Variants in EWSR1 observed in about 807,000 individuals in gnomAD.
EWSR1 encodes RNA-binding protein EWS.
A neutral mutation model predicts 92.1 loss-of-function variants in EWSR1; 14 were observed. The observed-to-expected ratio is 0.15, with a 90% CI of 0.10 to 0.24. The LOEUF is 0.24. EWSR1 is among the 10% of genes least tolerant of loss of function. The pLI, the probability that EWSR1 is intolerant of heterozygous loss-of-function variation, is 1.00. For missense variants in EWSR1, 637 were observed against 870.9 expected, an observed-to-expected ratio of 0.73 and a Z score of 3.38; for synonymous variants, 303 against 292.9, an observed-to-expected ratio of 1.03 and a Z score of -0.35.
At chr22:29,294,577 C>T (rs1022499937) in intron 11 of EWSR1, among the ~76,000 whole-genome samples, 5 of 148,846 alleles carry the variant, frequency 3.4e-5, no homozygotes, top group African/African-American at 1.2e-4. Flanking sequence ...TGCATTCCAG[C>T]CTGGGTGACT....
At chr22:29,299,923 C>T (rs1366202416) in intron 16 of EWSR1, 72 bp downstream of exon 16, 24 of 1,534,256 alleles carry the variant, frequency 1.6e-5, no homozygotes, top group Non-Finnish European at 1.8e-5. Flanking sequence ...GCTTGGTTGG[C>T]GCAAGTCCTC....
At chr22:29,288,998 G>T in intron 8 of EWSR1, 1 of 494,900 alleles carries the variant, frequency 2.0e-6, no homozygotes, top group South Asian at 3.7e-5. Context: ...ATACTTCGTT[G>T]GGTCGGGGAG....
At position 29,273,760 on chromosome 22, in the gene EWSR1, A is replaced by G. The variant is rs752450196; in HGVS notation, c.122A>G (p.Tyr41Cys). Residue 41 changes from tyrosine (Y) to cysteine (C), a missense_variant, in exon 4 of 17, where the codon TAT becomes TGT. Tyr to Cys is a radical substitution (Grantham distance 194). Around this residue, in one of 5 missense-constraint regions of EWSR1, gnomAD observed 144 missense variants for 189.0 expected, o/e 0.76. Coordinates refer to ENST00000397938, the MANE Select transcript of EWSR1 (RefSeq NM_005243.4). ...QTTQAYGQQS[Y>C]GTYGQPTDVS... The stretch of plus-strand genomic sequence containing the variant: ...GAGCAGGCATATGGGCAACAAAGCT[A>G]TGGAACCTATGGACAGCCCACTGAT... 6.2e-6 allele frequency: 10 copies of G among 1,613,560 alleles called. No homozygotes were observed. The highest frequency in any genetic ancestry group is 8.5e-6 in the Non-Finnish European group (10 of 1,179,894).
At chr22:29,300,084 C>T (rs750670949) in intron 16 of EWSR1, 38 bp from the exon 17 acceptor site, 1 of 1,591,148 alleles carries the variant, frequency 6.3e-7, no homozygotes, top group South Asian at 1.1e-5. Flanking sequence ...TTCCTCACCC[C>T]TTCCCATTCT....
At chr22:29,285,267 G>A (rs1464627963) in intron 6 of EWSR1, among the ~76,000 whole-genome samples, 1 of 150,220 alleles carries the variant, frequency 6.7e-6, no homozygotes, top group Non-Finnish European at 1.5e-5. Flanking sequence ...GGGACTATAG[G>A]CGTGTGCCAC....
chr22:29,282,163 A>G (rs2059659444), intron 5 of EWSR1, among the ~76,000 whole-genome samples: 1 of 152,016 alleles, frequency 6.6e-6, no homozygotes, highest in East Asian at 1.9e-4. Context: ...GATATGATTG[A>G]TTCTCCCCCT....
At chr22:29,285,122 G>GGT (rs2059923788) in intron 6 of EWSR1, among the ~76,000 whole-genome samples, 1 of 111,608 alleles carries the variant, frequency 9.0e-6, no homozygotes, top group Non-Finnish European at 1.7e-5. Flanking sequence ...TCTGGCCCTT[G>GGT]TTTTTTTTTT....
At chr22:29,279,925 C>T (rs1368882178) in intron 5 of EWSR1, among the ~76,000 whole-genome samples, 2 of 152,138 alleles carry the variant, frequency 1.3e-5, no homozygotes, top group Non-Finnish European at 2.9e-5. Flanking sequence ...TTTGATAAGT[C>T]ATCCTTTTTT....
intron 8 of EWSR1, chr22:29,289,881 T>G (rs2060318754): frequency 4.3e-6 from 1 of 231,098 alleles, no homozygotes; most frequent in Non-Finnish European, 8.6e-6. Context: ...AGGCAAAAAT[T>G]TAATGATTCG....
chr22:29,296,720 C>T (rs936619518), intron 12 of EWSR1, among the ~76,000 whole-genome samples: 2 of 152,150 alleles, frequency 1.3e-5, no homozygotes, highest in African/African-American at 2.4e-5. Flanking sequence ...GGTGGGATTT[C>T]ACTTCAGACA....
chr22:29,293,841 T>G (rs990423103), intron 11 of EWSR1, among the ~76,000 whole-genome samples: 2 of 152,020 alleles, frequency 1.3e-5, no homozygotes, highest in African/African-American at 4.8e-5. Flanking sequence ...GTTTTGTGAT[T>G]GCAGACATGA....
At chr22:29,289,581 T>C (rs922643370) in intron 8 of EWSR1, 5 of 232,236 alleles carry the variant, frequency 2.2e-5, no homozygotes, top group African/African-American at 8.8e-5. Context: ...GTTAACATAA[T>C]CCAGAAGGCT....
chr22:29,280,894 T>G (rs1481303123), intron 5 of EWSR1, among the ~76,000 whole-genome samples: 5 of 88,164 alleles, frequency 5.7e-5, no homozygotes, highest in African/African-American at 2.5e-4. Flanking sequence ...TTTTTTTTTT[T>G]TTTTTGACAG....
chr22:29,299,436 AGTT>A (rs2061159655), intron 15 of EWSR1, 105 bp downstream of exon 15: 1 of 1,509,048 alleles, frequency 6.6e-7, no homozygotes, highest in Non-Finnish European at 8.9e-7. Context: ...AACAACTTTG[AGTT>A]GTCGTGTCCT....
At chr22:29,287,549 G>A (rs2060139528) in intron 7 of EWSR1, among the ~76,000 whole-genome samples, 1 of 152,052 alleles carries the variant, frequency 6.6e-6, no homozygotes, top group Admixed American at 6.6e-5. Context: ...CTTTGCCATT[G>A]TTTGCTTTTG....
At position 29,300,111 on chromosome 22, in the gene EWSR1, T is replaced by C; in HGVS notation, c.1932-11T>C. The stretch of plus-strand genomic sequence containing the variant: ...TCCCATTCTAACCGAAGGGCCCTCT[T>C]TACCTTGCAGAGGCGAGCACCGTCA... On this transcript the variant is annotated splice_polypyrimidine_tract_variant and intron_variant, in intron 16 of 16. Coordinates refer to ENST00000397938, the MANE Select transcript of EWSR1 (RefSeq NM_005243.4). 6.2e-7 allele frequency: 1 copy of C among 1,600,422 alleles called. No individual in the cohort carries two copies. The highest frequency in any genetic ancestry group is 8.5e-7 in the Non-Finnish European group (1 of 1,177,228).
chr22:29,295,247 G>A (rs2060765013), intron 11 of EWSR1, among the ~76,000 whole-genome samples: 1 of 152,110 alleles, frequency 6.6e-6, no homozygotes, highest in South Asian at 2.1e-4. Context: ...ATAACATGTA[G>A]TTTATTGAGG....
intron 1 of EWSR1, 79 bp from the exon 2 acceptor site, chr22:29,272,137 C>T (rs1341784629): frequency 1.0e-5 from 13 of 1,301,512 alleles, no homozygotes; most frequent in African/African-American, 2.9e-5. Context: ...CTTCCTGCCA[C>T]GTGAATTCTT....
intron 16 of EWSR1, 103 bp from the exon 17 acceptor site, chr22:29,300,019 C>A: frequency 5.5e-6 from 3 of 540,604 alleles, no homozygotes; most frequent in South Asian, 3.8e-5. Context: ...CACCCCTTCC[C>A]ATTCTAACCG....
Sources: gnomAD v4.1 joint callset for allele counts (sites outside exome capture counted in the v4.1 genomes callset) on GRCh38, gnomAD v4.1.1 for gene constraint, gnomAD v4.1.1 regional missense constraint, MANE v1.5 for transcripts, NCBI Gene and HGNC (gene_info 2026-07-23, HGNC 2026-07-21) for gene names.